The following ICE1 variants were observed in gnomAD, a reference collection of about 807,000 sequenced individuals.
ICE1 encodes little elongation complex subunit 1.
A neutral mutation model predicts 192.7 loss-of-function variants in ICE1; 64 were observed. The ratio of observed to expected loss-of-function variants is 0.33; its 90% confidence interval spans 0.27 to 0.41. The LOEUF is 0.41. Ranked by LOEUF, ICE1 falls within the 10% of genes least tolerant of loss-of-function variation. The pLI, the probability that ICE1 is intolerant of heterozygous loss-of-function variation, is 1.00. For missense variants in ICE1, 2,708 were observed against 2,696.0 expected (o/e 1.00, Z -0.10); for synonymous variants, 1,010 against 984.5 (o/e 1.03, Z -0.49).
At chr5:5,468,604 G>A (rs1739062336) in intron 14 of ICE1, among the ~76,000 whole-genome samples, 1 of 152,234 alleles carries the variant, frequency 6.6e-6, no homozygotes, top group African/African-American at 2.4e-5. Context: ...AAAATTGCCT[G>A]TAATGACACA....
chr5:5,461,095 A>T lies in ICE1; in HGVS notation c.1761A>T (p.Arg587Ser). 1 of 1,614,074 alleles carries T rather than the reference A, an allele frequency of 6.2e-7. No individual in the cohort carries two copies. Among genetic ancestry groups the T allele is most frequent in the East Asian group, 2.2e-5 (1 of 44,890 alleles). Reference protein sequence around the residue: ...DRITVSGHFHRLSRELEKEKE... With the variant: ...DRITVSGHFHSLSRELEKEKE... ...TCACAGTTTCTGGCCATTTTCACAG[A>T]CTATCTAGAGAATTGGAAAAGGAAA... Residue 587 changes from arginine (R) to serine (S), a missense_variant, in exon 13 of 19, where the codon AGA becomes AGT. Transcript: ENST00000296564.
rs766389004 is a variant in ICE1 at position 5,454,595 on chromosome 5, CACA to C, written c.652_654del (p.Thr218del). On this transcript the variant is annotated inframe_deletion, in exon 11 of 19. Coordinates refer to ENST00000296564, the MANE Select transcript of ICE1 (RefSeq NM_015325.3). ...TGAAGGAACTCTGGCTCTGTGTAAACACAACACACAGACTACCTGGTGAAGGCA... is the reference window on the plus strand; with the variant it reads ...TGAAGGAACTCTGGCTCTGTGTAAACACACACAGACTACCTGGTGAAGGCA... The C allele has an allele frequency of 1.9e-6, 3 of 1,613,592 alleles. No homozygotes were observed. In the South Asian group the frequency reaches 3.3e-5, roughly 18 times the overall value.
At chr5:5,424,801 A>C (rs1389088379) in intron 1 of ICE1, among the ~76,000 whole-genome samples, 1 of 152,328 alleles carries the variant, frequency 6.6e-6, no homozygotes, top group African/African-American at 2.4e-5. Context: ...TCAGATGTGA[A>C]GAACTGTAGC....
Position 5,464,268 on chromosome 5 carries a change from G to T in ICE1, c.4934G>T (p.Arg1645Met). Residue 1645 changes from arginine to methionine, a missense_variant, in exon 13 of 19, where the codon AGG becomes ATG. This residue lies in a region of ICE1 where 2,366 missense variants were observed against 2,276.6 expected (regional missense o/e 1.04). Coordinates refer to ENST00000296564, the MANE Select transcript of ICE1 (RefSeq NM_015325.3). The surrounding 1 kb of genome is among the most constrained non-coding windows in gnomAD (Gnocchi z 4.0). ...GCTCCTCTGATAGCTACACCTCCAAGGACTTCACAGCCACTGTCTCCACTG... is the reference window on the plus strand; with the variant it reads ...GCTCCTCTGATAGCTACACCTCCAATGACTTCACAGCCACTGTCTCCACTG... ...LLAPLIATPP[R>M]TSQPLSPLIS... 1 of 1,613,456 alleles carries T rather than the reference G, an allele frequency of 6.2e-7. No individual in the cohort carries two copies. Among genetic ancestry groups the T allele is most frequent in the Non-Finnish European group, 8.5e-7 (1 of 1,179,798 alleles).
At position 5,457,623 on chromosome 5, in the gene ICE1, A is replaced by C. The variant is rs369263784; in HGVS notation, c.983A>C (p.Glu328Ala). ...GTTGATCATGATCATTTTTTTGATG[A>C]AGATCTTCAAGCTGCAATTGACTTC... is the stretch of plus-strand genomic sequence containing the variant. ...EFVDHDHFFD[E>A]DLQAAIDFFK... The change falls in exon 12 of 19, where the codon GAA becomes GCA. Residue 328 changes from glutamate (E) to alanine (A), a missense_variant. By Grantham distance (107) the Glu-to-Ala change is moderately radical (BLOSUM62 -1). Transcript: ENST00000296564. 17 of 1,613,888 alleles carry C rather than the reference A, an allele frequency of 1.1e-5. No homozygotes were observed. In the African/African-American group the frequency reaches 1.5e-4, roughly 14 times the overall value.
chr5:5,471,116 G>A (rs914222031), intron 15 of ICE1, among the ~76,000 whole-genome samples: 1 of 152,098 alleles, frequency 6.6e-6, no homozygotes, highest in Non-Finnish European at 1.5e-5. Flanking sequence ...AAAAATGCCA[G>A]CAACATAGAT....
rs370235330 is a variant in ICE1, at chr5:5,469,590, T to G, written c.6222+602T>G. ...AGGTACTGAAGCCAGTGATATTGAT[T>G]TTTTAATTTTATTTTCTGTTTTTAA... On this transcript the variant is annotated intron_variant, in intron 15 of 18. Coordinates refer to ENST00000296564, the MANE Select transcript of ICE1 (RefSeq NM_015325.3). Among the ~76,000 whole-genome samples the G allele has an allele frequency of 1.2e-4, 19 of 152,294 alleles. 1 individual carries two copies. The highest frequency in any genetic ancestry group is 4.6e-4 in the African/African-American group (19 of 41,564).
chr5:5,447,579 T>A, intron 8 of ICE1, 70 bp downstream of exon 8: 1 of 1,392,662 alleles, frequency 7.2e-7, no homozygotes, highest in South Asian at 1.3e-5. Flanking sequence ...GTCTCTGTGT[T>A]GTAACTCACG....
intron 15 of ICE1, among the ~76,000 whole-genome samples, chr5:5,469,656 T>C (rs1430051208): frequency 2.6e-5 from 4 of 152,242 alleles, no homozygotes; most frequent in African/African-American, 9.6e-5. Flanking sequence ...CCTGGGCTTA[T>C]GTGTGGAGCA....
rs554826138 is a variant in ICE1, at chr5:5,427,405, C to T, written c.84+4406C>T. On this transcript the variant is annotated intron_variant, in intron 1 of 18. Coordinates refer to ENST00000296564, the MANE Select transcript of ICE1 (RefSeq NM_015325.3). ...GTTTAAGTCAAGCTAGTGAAGCTGA[C>T]ATAGTCTCTTTATTCTGATGAAGGA... is the stretch of plus-strand genomic sequence containing the variant. Among the ~76,000 whole-genome samples the T allele has an allele frequency of 5.9e-5, 9 of 152,332 alleles. No homozygotes were observed. In the South Asian group the frequency reaches 1.2e-3, roughly 21 times the overall value.
chr5:5,457,645 C>G lies in ICE1; in HGVS notation c.1005C>G (p.Asp335Glu), dbSNP rs777196851. ...ATGAAGATCTTCAAGCTGCAATTGA[C>G]TTCTTCAAACTTCCCCCTCCTCTTC... ...FFDEDLQAAI[D>E]FFKLPPPLLS... is the part of the protein sequence containing the mutation. The change falls in exon 12 of 19, where the codon GAC becomes GAG. Residue 335 changes from aspartate to glutamate, a missense_variant. By Grantham distance (45) the Asp-to-Glu change is conservative. Coordinates refer to ENST00000296564, the MANE Select transcript of ICE1 (RefSeq NM_015325.3). The G allele has an allele frequency of 6.2e-7, 1 of 1,613,872 alleles. No homozygotes were observed. The highest frequency in any genetic ancestry group is 1.3e-5 in the African/African-American group (1 of 75,018).
intron 16 of ICE1, among the ~76,000 whole-genome samples, chr5:5,475,176 G>A (rs555001392): frequency 2.6e-5 from 4 of 152,218 alleles, no homozygotes; most frequent in African/African-American, 4.8e-5. Context: ...CTTCGTCCAC[G>A]ATCCCTGCAC....
intron 1 of ICE1, among the ~76,000 whole-genome samples, chr5:5,435,733 G>T (rs555553644): frequency 1.4e-5 from 2 of 138,944 alleles, no homozygotes; most frequent in South Asian, 4.6e-4. Context: ...GCAATGGCAC[G>T]ATCTCGGCTC....
chr5:5,473,891 A>T, intron 16 of ICE1, 143 bp downstream of exon 16: 1 of 625,914 alleles, frequency 1.6e-6, no homozygotes, highest in Non-Finnish European at 2.6e-6. Flanking sequence ...TTTATTTTAT[A>T]AGAGTTAATA....
At chr5:5,486,006 G>A (rs1579584552) in intron 17 of ICE1, among the ~76,000 whole-genome samples, 1 of 152,172 alleles carries the variant, frequency 6.6e-6, no homozygotes, top group Non-Finnish European at 1.5e-5. Context: ...AGAAAAAAGC[G>A]CCTAATTTCA....
intron 1 of ICE1, among the ~76,000 whole-genome samples, chr5:5,430,439 A>G (rs1489441518): frequency 3.3e-5 from 5 of 152,220 alleles, no homozygotes; most frequent in East Asian, 1.9e-4. Context: ...TAACTGAGAA[A>G]TCTTTTGTTT....
chr5:5,468,010 A>G (rs1739040824), intron 14 of ICE1, among the ~76,000 whole-genome samples: 1 of 152,220 alleles, frequency 6.6e-6, no homozygotes, highest in Non-Finnish European at 1.5e-5. Context: ...CTGGAAACAA[A>G]TGTCCATCAG....
chr5:5,424,470 A>G (rs1411656838), intron 1 of ICE1, among the ~76,000 whole-genome samples: 1 of 152,128 alleles, frequency 6.6e-6, no homozygotes, highest in African/African-American at 2.4e-5. Context: ...TCACTCAACA[A>G]ACATTTATTG....
chr5:5,486,715 C>T lies in ICE1; in HGVS notation c.6521-6C>T, dbSNP rs1279238764. On this transcript the variant is annotated splice_polypyrimidine_tract_variant and splice_region_variant and intron_variant, in intron 17 of 18. Transcript: ENST00000296564. ...GACTGTTTACATTTTGGTTTGTTTC[C>T]CCTAGGTCGTTTAGGCCAATTGGGT... is the stretch of plus-strand genomic sequence containing the variant. The T allele has an allele frequency of 6.3e-7, 1 of 1,585,286 alleles. No individual in the cohort carries two copies. Among genetic ancestry groups the T allele is most frequent in the Non-Finnish European group, 8.6e-7 (1 of 1,163,388 alleles).
Sources: allele counts gnomAD v4.1 joint callset (sites outside exome capture counted in the v4.1 genomes callset), GRCh38; gene constraint gnomAD v4.1.1; regional missense constraint gnomAD v4.1.1; non-coding constraint Gnocchi (gnomAD v3.1); transcripts MANE v1.5; gene names NCBI Gene and HGNC (gene_info 2026-07-23, HGNC 2026-07-21).